The following ATRNL1 variants were observed in gnomAD, a reference collection of about 807,000 sequenced individuals.
ATRNL1 encodes attractin like 1.
In ATRNL1, 95 loss-of-function variants were observed where a neutral mutation model predicts 182.7. The ratio of observed to expected loss-of-function variants is 0.52; its 90% CI spans 0.44 to 0.62. The LOEUF is 0.62. Ranked by LOEUF, ATRNL1 falls within the 20% of genes least tolerant of loss-of-function variation. ATRNL1 has a pLI of 0.00. For synonymous variants in ATRNL1, 576 were observed against 568.3 expected (o/e 1.01, Z -0.19); for missense variants, 1,471 against 1,679.5 (o/e 0.88, Z 2.17).
chr10:115,231,357 T>C (rs1197277530), intron 9 of ATRNL1, among the ~76,000 whole-genome samples: 2 of 152,130 alleles, frequency 1.3e-5, no homozygotes, highest in African/African-American at 2.4e-5. Flanking sequence ...TGCTTTTTGC[T>C]GAACTTGACA....
At chr10:115,372,751 A>G (rs1554948431) in intron 19 of ATRNL1, among the ~76,000 whole-genome samples, 1 of 152,080 alleles carries the variant, frequency 6.6e-6, no homozygotes, top group Non-Finnish European at 1.5e-5. Flanking sequence ...TTGTGCTGGT[A>G]TCATGGTGTT....
intron 18 of ATRNL1, among the ~76,000 whole-genome samples, chr10:115,316,718 G>A (rs1720086305): frequency 1.3e-5 from 2 of 152,132 alleles, no homozygotes; most frequent in African/African-American, 4.8e-5. Context: ...CTTCTTTTGA[G>A]AAGTGTCTGT....
chr10:115,239,444 G>A (rs1184010149), intron 9 of ATRNL1, among the ~76,000 whole-genome samples: 6 of 152,082 alleles, frequency 3.9e-5, no homozygotes, highest in Non-Finnish European at 7.4e-5. Flanking sequence ...ATGTTGGCAA[G>A]CCTAGTCTGG....
intron 26 of ATRNL1, among the ~76,000 whole-genome samples, chr10:115,724,971 T>G (rs1312604935): frequency 6.6e-5 from 10 of 152,184 alleles, no homozygotes; most frequent in Non-Finnish European, 8.8e-5. Flanking sequence ...ACTCAGCTGT[T>G]TCAGCAAGGA....
At chr10:115,251,166 G>T (rs895730387) in intron 10 of ATRNL1, among the ~76,000 whole-genome samples, 9 of 152,064 alleles carry the variant, frequency 5.9e-5, no homozygotes. Flanking sequence ...GCTTTGTTTA[G>T]TTTGCCAAAC....
chr10:115,603,931 G>A (rs1555016773), intron 26 of ATRNL1, among the ~76,000 whole-genome samples: 1 of 152,006 alleles, frequency 6.6e-6, no homozygotes, highest in African/African-American at 2.4e-5. Context: ...AGAATTCTAG[G>A]TGGACCTCTT....
At chr10:115,325,993 G>T (rs753967322) in intron 18 of ATRNL1, among the ~76,000 whole-genome samples, 59 of 151,718 alleles carry the variant, frequency 3.9e-4, no homozygotes, top group Non-Finnish European at 2.4e-4. Flanking sequence ...GTCTTTACAT[G>T]TAGTGGGCAC....
intron 24 of ATRNL1, among the ~76,000 whole-genome samples, chr10:115,488,788 G>T (rs570139446): frequency 6.6e-6 from 1 of 151,938 alleles, no homozygotes; most frequent in African/African-American, 2.4e-5. Context: ...GTTTGTTCTT[G>T]CTTCTCTAGT....
chr10:115,847,810 TA>T, intron 27 of ATRNL1, 66 bp from the exon 28 acceptor site: 1 of 825,132 alleles, frequency 1.2e-6, no homozygotes, highest in Non-Finnish European at 2.1e-6. Flanking sequence ...AAAGGATAGA[TA>T]AGGTGAAAAT....
chr10:115,214,318 A>G (rs1165083747), intron 8 of ATRNL1, among the ~76,000 whole-genome samples: 1 of 151,574 alleles, frequency 6.6e-6, no homozygotes, highest in Non-Finnish European at 1.5e-5. Flanking sequence ...AAATATATAT[A>G]TATATATATA....
chr10:115,356,831 T>A (rs1264184701), intron 19 of ATRNL1, among the ~76,000 whole-genome samples: 1 of 151,986 alleles, frequency 6.6e-6, no homozygotes, highest in Non-Finnish European at 1.5e-5. Flanking sequence ...TATCTTCACC[T>A]CTGGTTTACA....
intron 26 of ATRNL1, among the ~76,000 whole-genome samples, chr10:115,663,813 C>T (rs1860843445): frequency 6.6e-6 from 1 of 152,096 alleles, no homozygotes; most frequent in Non-Finnish European, 1.5e-5. Flanking sequence ...TCCTCTAAAA[C>T]TGAAGAGCGT....
In ATRNL1 at chr10:115,403,482, G is replaced by C. The variant is rs553557721; in HGVS notation, c.3269+8730G>C. On this transcript the variant is annotated intron_variant, in intron 20 of 28. Transcript: ENST00000355044. ...TTTTTTTTGTTTGTTTTGAGACAAA[G>C]TCTAGCTCTGTCCCCCAGACTGGAG... Among the ~76,000 whole-genome samples the C allele has an allele frequency of 9.2e-5, 14 of 152,078 alleles. No individual in the cohort carries two copies. In the South Asian group the frequency reaches 2.5e-3, roughly 27 times the overall value.
At chr10:115,124,527 G>A (rs1554872773) in intron 3 of ATRNL1, among the ~76,000 whole-genome samples, 1 of 152,088 alleles carries the variant, frequency 6.6e-6, no homozygotes, top group African/African-American at 2.4e-5. Flanking sequence ...GTTTCATTAT[G>A]TAGCCATGAG....
intron 1 of ATRNL1, among the ~76,000 whole-genome samples, chr10:115,098,955 A>G (rs2085089919): frequency 6.6e-6 from 1 of 152,232 alleles, no homozygotes; most frequent in South Asian, 2.1e-4. Context: ...AAAATGTACA[A>G]TTTATTTAAA....
chr10:115,641,939 C>T (rs1207978384), intron 26 of ATRNL1, among the ~76,000 whole-genome samples: 1 of 151,746 alleles, frequency 6.6e-6, no homozygotes, highest in Non-Finnish European at 1.5e-5. Context: ...TTCATGAGCT[C>T]TCTATAGAAT....
intron 27 of ATRNL1, among the ~76,000 whole-genome samples, chr10:115,840,197 G>T (rs1371909382): frequency 6.6e-6 from 1 of 152,108 alleles, no homozygotes; most frequent in Non-Finnish European, 1.5e-5. Flanking sequence ...TGTTGATGTG[G>T]TAAGTATGGG....
At chr10:115,786,979 C>A (rs782339836) in intron 27 of ATRNL1, among the ~76,000 whole-genome samples, 27 of 152,146 alleles carry the variant, frequency 1.8e-4, no homozygotes, top group Non-Finnish European at 2.9e-5. Context: ...ATATGTCTGC[C>A]TGCTACTAAC....
At chr10:115,575,869 G>C (rs568600205) in intron 26 of ATRNL1, among the ~76,000 whole-genome samples, 1 of 151,876 alleles carries the variant, frequency 6.6e-6, no homozygotes, top group Non-Finnish European at 1.5e-5. Flanking sequence ...CTAACTTCAA[G>C]TTTGTACTTT....
Sources: gnomAD v4.1 joint callset for allele counts (sites outside exome capture counted in the v4.1 genomes callset) on GRCh38, gnomAD v4.1.1 for gene constraint, MANE v1.5 for transcripts, NCBI Gene and HGNC (gene_info 2026-07-23, HGNC 2026-07-21) for gene names.